Variants in SPRED2 observed in about 807,000 individuals in gnomAD.
SPRED2 encodes the protein sprouty related EVH1 domain containing 2.
SPRED2 carries 47 observed loss-of-function variants against 43.0 expected under a neutral mutation model. The observed-to-expected ratio is 1.09, with a 90% CI of 0.87 to 1.40. The LOEUF is 1.40. Ranked by LOEUF, SPRED2 falls within the 40% of genes most tolerant of loss-of-function variation. The pLI is 0.00. For missense variants in SPRED2, 561 were observed against 586.4 expected (o/e 0.96, Z 0.45); for synonymous variants, 225 against 225.7 (o/e 1.00, Z 0.03).
chr2:65,332,234 G>T (rs1673834611), intron 3 of SPRED2, 183 bp from the exon 4 acceptor site: 3 of 453,942 alleles, frequency 6.6e-6, no homozygotes, highest in Non-Finnish European at 1.2e-5. Flanking sequence ...TTCTTGCCAG[G>T]ATGCTCCCTA....
At chr2:65,325,298 G>A (rs1447447565) in intron 4 of SPRED2, among the ~76,000 whole-genome samples, 1 of 152,236 alleles carries the variant, frequency 6.6e-6, no homozygotes, top group African/African-American at 2.4e-5. Context: ...CCATTTGGGA[G>A]ATCAGTGGGC....
intron 1 of SPRED2, among the ~76,000 whole-genome samples, chr2:65,403,534 T>C (rs529913175): frequency 1.3e-5 from 2 of 152,348 alleles, no homozygotes; most frequent in African/African-American, 4.8e-5. Context: ...CCTAAAATGC[T>C]GGGATTACAT....
At chr2:65,377,456 C>G (rs552313035) in intron 1 of SPRED2, among the ~76,000 whole-genome samples, 2 of 152,288 alleles carry the variant, frequency 1.3e-5, no homozygotes, top group East Asian at 3.9e-4. Flanking sequence ...CATCCTTATC[C>G]TCCTCTTGCC....
At chr2:65,405,685 C>T (rs541960129) in intron 1 of SPRED2, among the ~76,000 whole-genome samples, 7 of 152,252 alleles carry the variant, frequency 4.6e-5, no homozygotes, top group Admixed American at 4.6e-4. Context: ...GCACTGCAAT[C>T]CTCTTTTCTG....
chr2:65,338,156 C>T (rs1020373400), intron 2 of SPRED2, among the ~76,000 whole-genome samples: 7 of 140,266 alleles, frequency 5.0e-5, no homozygotes, highest in African/African-American at 2.1e-4. Flanking sequence ...CTCCCTCTCC[C>T]GTCTCCCTCT....
chr2:65,309,745 C>A (rs558636813), downstream of SPRED2, among the ~76,000 whole-genome samples: 12 of 152,224 alleles, frequency 7.9e-5, no homozygotes, highest in South Asian at 2.5e-3. Context: ...GGTGGTATGC[C>A]CAGTTCCGGC....
At chr2:65,370,923 C>T (rs1268238544) in intron 1 of SPRED2, among the ~76,000 whole-genome samples, 1 of 152,146 alleles carries the variant, frequency 6.6e-6, no homozygotes, top group Non-Finnish European at 1.5e-5. Context: ...CACACATGTC[C>T]CCAGAGGTTG....
chr2:65,361,015 T>C (rs924064518), intron 1 of SPRED2, among the ~76,000 whole-genome samples: 2 of 152,178 alleles, frequency 1.3e-5, no homozygotes, highest in Non-Finnish European at 2.9e-5. Context: ...GACCAGCCTG[T>C]GCAACAATGT....
intron 1 of SPRED2, among the ~76,000 whole-genome samples, chr2:65,364,993 C>T (rs368669805): frequency 8.5e-5 from 13 of 152,262 alleles, no homozygotes; most frequent in African/African-American, 3.1e-4. Context: ...TTTAAAGTAG[C>T]CTTTCTTTCA....
intron 4 of SPRED2, among the ~76,000 whole-genome samples, chr2:65,321,469 C>T (rs1186033331): frequency 2.4e-5 from 3 of 126,008 alleles, no homozygotes; most frequent in Non-Finnish European, 4.7e-5. Flanking sequence ...GTCAAGAGTT[C>T]GAGACCAGCC....
Position 65,432,060 on chromosome 2 carries a change from C to T in SPRED2, c.-73G>A, listed in dbSNP as rs1016576123. 3 of 1,592,152 alleles carry T rather than the reference C, an allele frequency of 1.9e-6. No homozygotes were observed. The highest frequency in any genetic ancestry group is 1.1e-5 in the South Asian group (1 of 90,280). On this transcript the variant is annotated 5_prime_UTR_variant, in exon 1 of 6. Transcript: ENST00000356388. The stretch of plus-strand genomic sequence containing the variant: ...CTTCATCTTCCTGTCCGCTCGCCCC[C>T]CTTCTTCACATCTCCGGAGATCGCC...
intron 1 of SPRED2, among the ~76,000 whole-genome samples, chr2:65,362,091 C>G (rs775578628): frequency 5.9e-5 from 9 of 152,178 alleles, no homozygotes; most frequent in Non-Finnish European, 1.3e-4. Flanking sequence ...AGATAGTAAT[C>G]TTGCTGTAGT....
intron 1 of SPRED2, 82 bp downstream of exon 1, chr2:65,431,880 A>G: frequency 1.3e-6 from 2 of 1,536,590 alleles, no homozygotes; most frequent in South Asian, 1.1e-5. Flanking sequence ...TCACCCAATA[A>G]GCGTCCCCGC....
At chr2:65,431,358 C>T (rs1227315714) in intron 1 of SPRED2, among the ~76,000 whole-genome samples, 1 of 151,422 alleles carries the variant, frequency 6.6e-6, no homozygotes, top group Non-Finnish European at 1.5e-5. Flanking sequence ...CGCCGCGGGG[C>T]CCCTCGGGCG....
At chr2:65,341,162 G>A (rs1035873815) in intron 2 of SPRED2, among the ~76,000 whole-genome samples, 1 of 151,858 alleles carries the variant, frequency 6.6e-6, no homozygotes, top group African/African-American at 2.4e-5. Flanking sequence ...ATGGGTGTGA[G>A]GGGAGGGGTT....
At chr2:65,420,124 C>G (rs377611232) in intron 1 of SPRED2, among the ~76,000 whole-genome samples, 15 of 148,190 alleles carry the variant, frequency 1.0e-4, no homozygotes, top group Middle Eastern at 3.5e-3. Context: ...GTGGGAGGAT[C>G]GCTTGAACCC....
At position 65,432,288 on chromosome 2, in the gene SPRED2, G is replaced by A. The variant is rs1056878432; in HGVS notation, c.-301C>T. 4 of 420,830 alleles carry A rather than the reference G, an allele frequency of 9.5e-6. No individual in the cohort carries two copies. The highest frequency in any genetic ancestry group is 7.4e-5 in the Admixed American group (2 of 27,074). The allele number at this position is 420,830 out of a possible 1,614,324, so 26.1% of individuals were successfully genotyped here. Reference sequence around the variant, plus strand: ...GGCGAGATTTGGGAAGGGGACGGCGGTGGGGGAGAGCAGGAGAAAAACAAG... The same window carrying A: ...GGCGAGATTTGGGAAGGGGACGGCGATGGGGGAGAGCAGGAGAAAAACAAG... On this transcript the variant is annotated 5_prime_UTR_variant, in exon 1 of 6. Coordinates refer to ENST00000356388, the MANE Select transcript of SPRED2 (RefSeq NM_181784.3).
At chr2:65,316,332 A>C (rs1191897713) in intron 5 of SPRED2, among the ~76,000 whole-genome samples, 1 of 152,236 alleles carries the variant, frequency 6.6e-6, no homozygotes, top group African/African-American at 2.4e-5. Context: ...TTCCACACAA[A>C]GCTGGGAGGC....
chr2:65,424,022 C>T (rs188891334), intron 1 of SPRED2, among the ~76,000 whole-genome samples: 4 of 152,260 alleles, frequency 2.6e-5, no homozygotes, highest in African/African-American at 9.6e-5. Context: ...CTCCTGACCT[C>T]AGGTGGTCGG....
Sources: gnomAD v4.1 joint callset for allele counts (sites outside exome capture counted in the v4.1 genomes callset) on GRCh38, gnomAD v4.1.1 for gene constraint, MANE v1.5 for transcripts, NCBI Gene and HGNC (gene_info 2026-07-23, HGNC 2026-07-21) for gene names.